The following SLC8A1 variants were observed in gnomAD, a reference collection of about 807,000 sequenced individuals.
The protein encoded by SLC8A1 is solute carrier family 8 member A1.
A neutral mutation model predicts 68.3 loss-of-function variants in SLC8A1; 18 were observed. That is an observed-to-expected ratio of 0.26 (90% CI 0.18 to 0.39). The LOEUF (loss-of-function observed/expected upper bound fraction) is 0.39, where lower values mean the gene tolerates loss of function less well. SLC8A1 is among the 10% of genes least tolerant of loss of function. The pLI is 1.00. For missense variants in SLC8A1, 985 were observed against 1,156.7 expected, an observed-to-expected ratio of 0.85 and a Z score of 2.15; for synonymous variants, 475 against 415.5, an observed-to-expected ratio of 1.14 and a Z score of -1.74.
intron 1 of SLC8A1, among the ~76,000 whole-genome samples, chr2:40,510,051 C>T (rs1448624949): frequency 6.6e-6 from 1 of 152,170 alleles, no homozygotes; most frequent in Non-Finnish European, 1.5e-5. Flanking sequence ...GGGTCTCGAT[C>T]TCTTGACCTC....
chr2:40,300,607 T>A (rs2071276813), intron 2 of SLC8A1, among the ~76,000 whole-genome samples: 1 of 152,128 alleles, frequency 6.6e-6, no homozygotes, highest in African/African-American at 2.4e-5. Flanking sequence ...TCTCCACAGT[T>A]CAAACCTCAG....
exon 8 of SLC8A1, chr2:40,101,131 CAG>C (rs2033867171): frequency 1.3e-5 from 2 of 152,208 alleles, no homozygotes; most frequent in South Asian, 2.1e-4. Context: ...TTTTTACAAG[CAG>C]AGTTACTTTC....
At position 40,113,599 on chromosome 2, in the gene SLC8A1, G is replaced by T. The variant is rs1283912522; in HGVS notation, c.*1654C>A. ...CTCAGCAACTACTGATATAATCAAA[G>T]AGGACTAGACTGGACAGTGAAAGAA... On this transcript the variant is annotated 3_prime_UTR_variant, in exon 8 of 8. Transcript: ENST00000406785. 2.0e-5 allele frequency: 3 copies of T among 152,614 alleles called. No individual in the cohort carries two copies. The East Asian group carries it at 5.6e-4, about 29-fold the overall frequency. The allele number at this position is 152,614 out of a possible 1,614,324, so 9.5% of individuals were successfully genotyped here. A position where few individuals can be genotyped will look rare whatever the true frequency, so the allele number is the denominator to read the frequency against.
At chr2:40,302,683 T>C (rs967869104) in intron 2 of SLC8A1, among the ~76,000 whole-genome samples, 5 of 151,918 alleles carry the variant, frequency 3.3e-5, no homozygotes, top group Non-Finnish European at 4.4e-5. Context: ...CAGTTGCAAA[T>C]TGTGCTGCTA....
intron 2 of SLC8A1, among the ~76,000 whole-genome samples, chr2:40,253,584 G>C (rs1419674080): frequency 6.6e-6 from 1 of 152,082 alleles, no homozygotes; most frequent in Non-Finnish European, 1.5e-5. Flanking sequence ...CCAGCATTTT[G>C]GGAGGCCGAG....
At chr2:40,330,041 G>A (rs561098248) in intron 2 of SLC8A1, among the ~76,000 whole-genome samples, 8 of 152,158 alleles carry the variant, frequency 5.3e-5, no homozygotes, top group Non-Finnish European at 1.2e-4. Context: ...AACTAAAAAC[G>A]GGTGTGGAGC....
chr2:40,316,085 TGTC>T (rs2074409568), intron 2 of SLC8A1, among the ~76,000 whole-genome samples: 1 of 152,094 alleles, frequency 6.6e-6, no homozygotes, highest in African/African-American at 2.4e-5. Flanking sequence ...AATGTCTGTC[TGTC>T]GACAAGACAA....
chr2:40,334,728 C>CGT (rs1208057040), intron 2 of SLC8A1, among the ~76,000 whole-genome samples: 2 of 152,062 alleles, frequency 1.3e-5, no homozygotes, highest in African/African-American at 4.8e-5. Flanking sequence ...GATCAAATGA[C>CGT]GTGCTATTTT....
rs1443596642 is a variant in SLC8A1 at position 40,327,622 on chromosome 2, G to A, written c.1808+100851C>T. ...TCTTTGCAGCAACATGGATGCAGCT[G>A]GAGGTCATTATCTTCAGTGAATTAA... On this transcript the variant is annotated intron_variant, in intron 2 of 7. Coordinates refer to ENST00000406785, the Ensembl canonical transcript of SLC8A1. Among the ~76,000 whole-genome samples the A allele has an allele frequency of 2.0e-5, 3 of 152,268 alleles. No individual in the cohort carries two copies. In the East Asian group the frequency reaches 5.8e-4, roughly 29 times the overall value.
chr2:40,154,491 T>C (rs1207181181), intron 6 of SLC8A1, among the ~76,000 whole-genome samples: 3 of 146,108 alleles, frequency 2.1e-5, no homozygotes, highest in South Asian at 2.1e-4. Flanking sequence ...TTTCTTTTTT[T>C]TTTTTTTTTG....
intron 2 of SLC8A1, among the ~76,000 whole-genome samples, chr2:40,284,187 C>T (rs1406061939): frequency 6.6e-6 from 1 of 151,624 alleles, no homozygotes; most frequent in South Asian, 2.1e-4. Flanking sequence ...ATAGATATAG[C>T]TATCTATACC....
Position 40,430,321 on chromosome 2 carries a change from G to A in SLC8A1, c.-24-17C>T, listed in dbSNP as rs1397184725. On this transcript the variant is annotated splice_polypyrimidine_tract_variant and intron_variant, in intron 1 of 7. Coordinates refer to ENST00000406785, the Ensembl canonical transcript of SLC8A1. ...CACAACCTACTGGTAAAAATAAGATGGGGGAGAGGGCAGAAAAAAAGTCAT... is the reference window on the plus strand; with the variant it reads ...CACAACCTACTGGTAAAAATAAGATAGGGGAGAGGGCAGAAAAAAAGTCAT... 1 of 1,554,992 alleles carries A rather than the reference G, an allele frequency of 6.4e-7. No homozygotes were observed. Among genetic ancestry groups the A allele is most frequent in the Admixed American group, 2.0e-5 (1 of 51,222 alleles).
At chr2:40,432,579 G>T (rs955212161) in intron 1 of SLC8A1, among the ~76,000 whole-genome samples, 2 of 151,424 alleles carry the variant, frequency 1.3e-5, no homozygotes, top group African/African-American at 4.9e-5. Flanking sequence ...CAAGTGCAAA[G>T]GTCCTAATGG....
Position 40,125,081 on chromosome 2 carries a change from G to A in SLC8A1, c.2438-9452C>T, listed in dbSNP as rs73927115. ...TTACAAAGAGCATGTATTGTTTATT[G>A]CTTGTGCTACTAAAAACTAATAAAT... is the stretch of plus-strand genomic sequence containing the variant. On this transcript the variant is annotated intron_variant, in intron 7 of 7. Coordinates refer to ENST00000406785, the Ensembl canonical transcript of SLC8A1. Among the ~76,000 whole-genome samples the A allele has an allele frequency of 3.8e-3, 582 of 152,240 alleles. 4 individuals are homozygous for A. The highest frequency in any genetic ancestry group is 0.013 in the African/African-American group (544 of 41,542).
chr2:40,404,535 A>T (rs370712726), intron 2 of SLC8A1, among the ~76,000 whole-genome samples: 129 of 152,346 alleles, frequency 8.5e-4, no homozygotes, highest in African/African-American at 2.9e-3. Context: ...CATGTTGAGG[A>T]AAGAAATCCA....
At chr2:40,437,079 T>A (rs1159397620) in intron 1 of SLC8A1, among the ~76,000 whole-genome samples, 1 of 152,150 alleles carries the variant, frequency 6.6e-6, no homozygotes, top group African/African-American at 2.4e-5. Flanking sequence ...ATTTTACAAA[T>A]GAGAAAAATA....
intron 6 of SLC8A1, among the ~76,000 whole-genome samples, chr2:40,153,432 C>G (rs1558544208): frequency 6.6e-6 from 1 of 152,156 alleles, no homozygotes; most frequent in African/African-American, 2.4e-5. Flanking sequence ...AATTTAAACA[C>G]TTTATTTGTC....
chr2:40,114,360 G>C (rs1459431411), exon 8 of SLC8A1: 2 of 152,768 alleles, frequency 1.3e-5, no homozygotes, highest in Non-Finnish European at 2.9e-5. Context: ...TGTGCTTTTT[G>C]AATGGGGTTA....
intron 1 of SLC8A1, among the ~76,000 whole-genome samples, chr2:40,498,701 T>C (rs773196567): frequency 1.3e-5 from 2 of 152,130 alleles, no homozygotes; most frequent in Non-Finnish European, 2.9e-5. Flanking sequence ...GCTCTGTCCT[T>C]GGTTTTGTCC....
Sources: allele counts gnomAD v4.1 joint callset (sites outside exome capture counted in the v4.1 genomes callset), GRCh38; gene constraint gnomAD v4.1.1; transcripts MANE v1.5; gene names NCBI Gene and HGNC (gene_info 2026-07-23, HGNC 2026-07-21).